Variants in KALRN observed in about 807,000 individuals in gnomAD.
KALRN encodes kalirin.
In KALRN, 70 loss-of-function variants were observed where a neutral mutation model predicts 353.7. The observed-to-expected ratio is 0.20, with a 90% CI of 0.16 to 0.24. KALRN has a LOEUF of 0.24. KALRN is among the 10% of genes least tolerant of loss of function. The pLI, the probability that KALRN is intolerant of heterozygous loss-of-function variation, is 1.00. For synonymous variants in KALRN, 1,391 were observed against 1,434.8 expected (o/e 0.97, Z 0.69); for missense variants, 2,791 against 3,756.7 (o/e 0.74, Z 6.72).
At chr3:124,064,587 C>T (rs2042208373) in intron 1 of KALRN, among the ~76,000 whole-genome samples, 1 of 152,210 alleles carries the variant, frequency 6.6e-6, no homozygotes, top group Admixed American at 6.5e-5. Flanking sequence ...CCACCGCACA[C>T]ACTGCCCACC....
At chr3:124,430,551 A>G in intron 15 of KALRN, 105 bp from the exon 16 acceptor site, 1 of 1,368,060 alleles carries the variant, frequency 7.3e-7, no homozygotes, top group Non-Finnish European at 1.0e-6. Flanking sequence ...CCAACAGAAG[A>G]TAAAAGATAG....
chr3:124,508,351 T>A (rs1161386750), intron 33 of KALRN, among the ~76,000 whole-genome samples: 3 of 152,226 alleles, frequency 2.0e-5, no homozygotes, highest in African/African-American at 7.2e-5. Context: ...ACTTTTTTTA[T>A]AATTTTACCT....
rs534932020 is a variant in KALRN at position 124,408,019 on chromosome 3, C to T, written c.2347-5451C>T. On this transcript the variant is annotated intron_variant, in intron 13 of 59. Transcript: ENST00000682506. ...CGATCTCCTGACCTCGTGATCCGCC[C>T]GCCTCAGCCTCCCAAAGTGCTGGGA... Among the ~76,000 whole-genome samples, 52 of 152,208 alleles carry T rather than the reference C, an allele frequency of 3.4e-4. 1 individual carries two copies. The South Asian group carries it at 5.4e-3, about 16-fold the overall frequency.
intron 15 of KALRN, among the ~76,000 whole-genome samples, chr3:124,426,050 C>T (rs1476342343): frequency 2.6e-5 from 4 of 152,190 alleles, no homozygotes; most frequent in Non-Finnish European, 4.4e-5. Flanking sequence ...GGAAATCTAC[C>T]AAGCCCTTTG....
intron 10 of KALRN, among the ~76,000 whole-genome samples, chr3:124,368,364 C>G (rs1467594134): frequency 6.8e-6 from 1 of 146,706 alleles, no homozygotes; most frequent in African/African-American, 2.6e-5. Context: ...CGGGCAGAGA[C>G]GCTCCTCACC....
intron 6 of KALRN, among the ~76,000 whole-genome samples, chr3:124,311,443 C>T (rs2078261350): frequency 6.9e-6 from 1 of 145,580 alleles, no homozygotes; most frequent in Non-Finnish European, 1.5e-5. Flanking sequence ...CCAGCCTGGG[C>T]AACAGAGCAA....
chr3:124,394,610 A>G (rs1168465854), intron 11 of KALRN, among the ~76,000 whole-genome samples: 1 of 152,220 alleles, frequency 6.6e-6, no homozygotes, highest in Non-Finnish European at 1.5e-5. Context: ...CAGCTTTCTA[A>G]CCAATTTAGC....
At chr3:124,344,919 AG>A (rs1165089341) in intron 9 of KALRN, among the ~76,000 whole-genome samples, 6 of 152,268 alleles carry the variant, frequency 3.9e-5, no homozygotes, top group Admixed American at 3.9e-4. Flanking sequence ...AAAAATATTT[AG>A]AAGTTGTGAA....
At chr3:124,501,228 A>G (rs1162600211) in intron 33 of KALRN, among the ~76,000 whole-genome samples, 1 of 152,182 alleles carries the variant, frequency 6.6e-6, no homozygotes, top group Non-Finnish European at 1.5e-5. Context: ...TGAAAAAATT[A>G]TAAGGGAAGG....
intron 33 of KALRN, among the ~76,000 whole-genome samples, chr3:124,500,481 G>A (rs1381860156): frequency 6.6e-6 from 1 of 152,142 alleles, no homozygotes; most frequent in East Asian, 1.9e-4. Flanking sequence ...CATCTCCAGG[G>A]AAAGAAATGC....
chr3:124,318,740 AAACTT>A (rs1364383199), intron 6 of KALRN, among the ~76,000 whole-genome samples: 1 of 152,184 alleles, frequency 6.6e-6, no homozygotes, highest in Non-Finnish European at 1.5e-5. Context: ...GAGGAAATAA[AAACTT>A]AAGTTAATAT....
chr3:124,385,654 G>C (rs1387796546), intron 11 of KALRN, among the ~76,000 whole-genome samples: 2 of 152,170 alleles, frequency 1.3e-5, no homozygotes, highest in East Asian at 1.9e-4. Flanking sequence ...GGCTGGGCTT[G>C]AAGCCCAGCC....
intron 6 of KALRN, among the ~76,000 whole-genome samples, chr3:124,301,277 A>G (rs946572732): frequency 2.0e-5 from 3 of 152,234 alleles, no homozygotes; most frequent in Admixed American, 6.5e-5. Flanking sequence ...TTCTTCAGAC[A>G]GATTTACTGT....
chr3:124,336,065 G>T (rs2081104799), intron 9 of KALRN, among the ~76,000 whole-genome samples: 1 of 152,066 alleles, frequency 6.6e-6, no homozygotes, highest in Admixed American at 6.5e-5. Flanking sequence ...CTCTGAATAG[G>T]GGGATAGTCA....
At chr3:124,574,323 C>T (rs2073868609) in intron 34 of KALRN, among the ~76,000 whole-genome samples, 1 of 152,228 alleles carries the variant, frequency 6.6e-6, no homozygotes, top group Non-Finnish European at 1.5e-5. Flanking sequence ...CTCTGGGTCC[C>T]TCTGCAGAGA....
chr3:124,204,051 C>T (rs547872231), intron 1 of KALRN, among the ~76,000 whole-genome samples: 1 of 152,182 alleles, frequency 6.6e-6, no homozygotes, highest in Non-Finnish European at 1.5e-5. Flanking sequence ...TGGAACCAAA[C>T]TTCTGTGTAT....
At chr3:124,515,576 T>G (rs2066441118) in intron 33 of KALRN, among the ~76,000 whole-genome samples, 1 of 152,072 alleles carries the variant, frequency 6.6e-6, no homozygotes, top group African/African-American at 2.4e-5. Flanking sequence ...CAGGCAAATA[T>G]TTCAAAAAGT....
chr3:124,294,729 C>T (rs1688861587), intron 5 of KALRN, among the ~76,000 whole-genome samples: 1 of 151,890 alleles, frequency 6.6e-6, no homozygotes, highest in Admixed American at 6.6e-5. Flanking sequence ...TTCTCACTGA[C>T]ATTATTTTAT....
intron 10 of KALRN, among the ~76,000 whole-genome samples, chr3:124,365,872 C>T (rs964391602): frequency 1.3e-5 from 2 of 152,220 alleles, no homozygotes; most frequent in African/African-American, 4.8e-5. Flanking sequence ...CCACTTCAGA[C>T]ATAGGCTCTA....
Sources: gnomAD v4.1 joint callset for allele counts (sites outside exome capture counted in the v4.1 genomes callset) on GRCh38, gnomAD v4.1.1 for gene constraint, MANE v1.5 for transcripts, NCBI Gene and HGNC (gene_info 2026-07-23, HGNC 2026-07-21) for gene names.